Variants in IL6ST observed in about 807,000 individuals in gnomAD.
IL6ST encodes interleukin-6 receptor subunit beta.
IL6ST carries 24 observed loss-of-function variants against 91.3 expected under a neutral mutation model. The ratio of observed to expected loss-of-function variants is 0.26; its 90% CI spans 0.19 to 0.37. The LOEUF (loss-of-function observed/expected upper bound fraction) is 0.37. Ranked by LOEUF, IL6ST falls within the 10% of genes least tolerant of loss-of-function variation. The pLI is 1.00. For missense variants in IL6ST, 914 were observed against 1,078.5 expected (o/e 0.85, Z 2.14); for synonymous variants, 351 against 373.6 (o/e 0.94, Z 0.70).
rs1751652984 is a variant in IL6ST, at chr5:55,951,848, TAAG to T, written c.1699+78_1699+80del. 4.4e-6 allele frequency: 4 copies of T among 909,990 alleles called. No homozygotes were observed. In the South Asian group the frequency reaches 5.2e-5, roughly 12 times the overall value. The allele number at this position is 909,990 out of a possible 1,614,324, so 56.4% of individuals were successfully genotyped here. Reference sequence around the variant, plus strand: ...TGAGGCCAATATACTATAAGATGTATAAGAAGAACAGACTTAAATTAGTACTTA... The same window carrying T: ...TGAGGCCAATATACTATAAGATGTATAAGAACAGACTTAAATTAGTACTTA... On this transcript the variant is annotated intron_variant, in intron 13 of 16. Coordinates refer to ENST00000381298, the MANE Select transcript of IL6ST (RefSeq NM_002184.4).
At chr5:55,983,515 A>AG (rs1753784417) in intron 1 of IL6ST, among the ~76,000 whole-genome samples, 1 of 152,222 alleles carries the variant, frequency 6.6e-6, no homozygotes, top group Non-Finnish European at 1.5e-5. Flanking sequence ...GTTCACTTAA[A>AG]TTCTAGCTTA....
At position 55,969,910 on chromosome 5, in the gene IL6ST, T is replaced by G; in HGVS notation, c.65-55A>C. 3 of 1,198,220 alleles carry G rather than the reference T, an allele frequency of 2.5e-6. No individual in the cohort carries two copies. In the South Asian group the frequency reaches 4.2e-5, roughly 17 times the overall value. The allele number at this position is 1,198,220 out of a possible 1,614,324, so 74.2% of individuals were successfully genotyped here. A position where few individuals can be genotyped will look rare whatever the true frequency, so the allele number is the denominator to read the frequency against. ...TGGACTGAATTTTTCTGGTACAAAA[T>G]GATATCTAGCTGGTAGCACTCAATG... On this transcript the variant is annotated intron_variant, in intron 3 of 16. Transcript: ENST00000381298.
intron 14 of IL6ST, chr5:55,949,119 ATTT>A (rs1346292120): frequency 1.3e-5 from 2 of 152,112 alleles, no homozygotes; most frequent in Non-Finnish European, 2.9e-5. Flanking sequence ...ACTAGGACTA[ATTT>A]TTCTTCCTCT....
intron 8 of IL6ST, chr5:55,959,506 T>C: frequency 2.8e-6 from 1 of 356,274 alleles, no homozygotes; most frequent in Non-Finnish European, 5.0e-6. Flanking sequence ...TTCTTGAACT[T>C]AGTAACATCA....
intron 1 of IL6ST, among the ~76,000 whole-genome samples, chr5:55,991,074 C>A (rs993740327): frequency 6.6e-6 from 1 of 152,126 alleles, no homozygotes; most frequent in Non-Finnish European, 1.5e-5. Flanking sequence ...TGAACTCATC[C>A]TTTTTTACGG....
chr5:55,950,296 G>A (rs1358317032), intron 14 of IL6ST: 1 of 426,464 alleles, frequency 2.3e-6, no homozygotes, highest in Non-Finnish European at 4.7e-6. Flanking sequence ...CAGCACTTTG[G>A]GAGGCCGAGG....
chr5:55,976,080 A>C (rs1753271449), intron 3 of IL6ST, 135 bp downstream of exon 3: 1 of 412,682 alleles, frequency 2.4e-6, no homozygotes, highest in East Asian at 4.2e-5. Flanking sequence ...AATCAATTTA[A>C]GATATTATTC....
intron 3 of IL6ST, 26 bp downstream of exon 3, chr5:55,976,188 GA>G: frequency 7.8e-7 from 1 of 1,277,364 alleles, no homozygotes; most frequent in Non-Finnish European, 1.1e-6. Flanking sequence ...TGTGAAGTTA[GA>G]AGATAGGGTA....
In IL6ST at chr5:55,935,543, G is replaced by A. The variant is rs1457433382; in HGVS notation, c.*5539C>T. On this transcript the variant is annotated 3_prime_UTR_variant, in exon 17 of 17. Transcript: ENST00000381298. ...ACTAAGTTGTCCAAGAGCCAACCCC[G>A]ATCAGCAGCAACAGGACTCAAGCTG... The A allele has an allele frequency of 9.2e-6, 2 of 216,718 alleles. No homozygotes were observed. Among genetic ancestry groups the A allele is most frequent in the Non-Finnish European group, 1.9e-5 (2 of 107,760 alleles). 13.4% of individuals were successfully genotyped at this position (216,718 alleles called of 1,614,324 possible). A position where few individuals can be genotyped will look rare whatever the true frequency, so the allele number is the denominator to read the frequency against.
intron 10 of IL6ST, 80 bp from the exon 11 acceptor site, chr5:55,955,072 CAT>C (rs1206358709): frequency 1.5e-5 from 15 of 994,798 alleles, no homozygotes; most frequent in Middle Eastern, 2.8e-4. Context: ...ATTTCCAAAA[CAT>C]GTGATTTATC....
chr5:55,947,203 A>G (rs1751321036), intron 15 of IL6ST, among the ~76,000 whole-genome samples: 1 of 152,174 alleles, frequency 6.6e-6, no homozygotes. Context: ...CTGTCTCAAA[A>G]TAGATAGATA....
At chr5:55,971,950 G>A (rs1222484813) in intron 3 of IL6ST, among the ~76,000 whole-genome samples, 4 of 152,130 alleles carry the variant, frequency 2.6e-5, no homozygotes, top group African/African-American at 7.2e-5. Flanking sequence ...AATGCCTACT[G>A]TAAATCTTAG....
Position 55,935,100 on chromosome 5 carries a change from GT to G in IL6ST, c.*5981del, listed in dbSNP as rs374331716. The G allele has an allele frequency of 5.2e-5, 9 of 172,210 alleles. No individual in the cohort carries two copies. The highest frequency in any genetic ancestry group is 1.0e-4 in the East Asian group (1 of 9,806). The allele number at this position is 172,210 out of a possible 1,614,324, so 10.7% of individuals were successfully genotyped here. A position where few individuals can be genotyped will look rare whatever the true frequency, so the allele number is the denominator to read the frequency against. On this transcript the variant is annotated 3_prime_UTR_variant, in exon 17 of 17. Coordinates refer to ENST00000381298, the MANE Select transcript of IL6ST (RefSeq NM_002184.4). ...AGAAATACTTTACCTGAGGGTTTTG[GT>G]TTTTTTTTGGCTTTTATTTTTGTGT...
chr5:55,966,683 A>G (rs931024947), intron 5 of IL6ST, among the ~76,000 whole-genome samples: 14 of 152,198 alleles, frequency 9.2e-5, no homozygotes, highest in Non-Finnish European at 1.6e-4. Flanking sequence ...TGAGAGATGG[A>G]GAGAAGGATG....
chr5:55,967,798 AT>A (rs1752724082), intron 5 of IL6ST, among the ~76,000 whole-genome samples: 1 of 151,582 alleles, frequency 6.6e-6, no homozygotes, highest in Non-Finnish European at 1.5e-5. Flanking sequence ...TTTATTTTTT[AT>A]TTATTTATTT....
intron 5 of IL6ST, among the ~76,000 whole-genome samples, chr5:55,966,367 TTGAC>T (rs1561183268): frequency 6.6e-6 from 1 of 152,192 alleles, no homozygotes; most frequent in African/African-American, 2.4e-5. Flanking sequence ...CTTGCTGGGA[TTGAC>T]TGAAGGAGCA....
chr5:55,970,832 A>G (rs1167068584), intron 3 of IL6ST, among the ~76,000 whole-genome samples: 1 of 152,124 alleles, frequency 6.6e-6, no homozygotes, highest in Non-Finnish European at 1.5e-5. Flanking sequence ...ACCTGAACCC[A>G]GGAAGTGGAG....
intron 2 of IL6ST, among the ~76,000 whole-genome samples, chr5:55,977,972 C>G (rs191947329): frequency 4.8e-4 from 73 of 151,824 alleles, no homozygotes; most frequent in South Asian, 3.3e-3. Context: ...GCACTCCAGC[C>G]TGGGCAACAA....
chr5:55,976,210 C>A lies in IL6ST; in HGVS notation c.64+5G>T, dbSNP rs746791016. On this transcript the variant is annotated splice_donor_5th_base_variant and intron_variant, in intron 3 of 16. Coordinates refer to ENST00000381298, the MANE Select transcript of IL6ST (RefSeq NM_002184.4). ...TTAGAAGATAGGGTATTTCATGAAC[C>A]TTACCTGTAGATTCAGTGGTGAGGA... 1 of 1,538,708 alleles carries A rather than the reference C, an allele frequency of 6.5e-7. No homozygotes were observed. The highest frequency in any genetic ancestry group is 1.4e-5 in the African/African-American group (1 of 72,600).
Sources: gnomAD v4.1 joint callset for allele counts (sites outside exome capture counted in the v4.1 genomes callset) on GRCh38, gnomAD v4.1.1 for gene constraint, MANE v1.5 for transcripts, NCBI Gene and HGNC (gene_info 2026-07-23, HGNC 2026-07-21) for gene names.